The following ZNF700 variants were observed in gnomAD, a reference collection of about 807,000 sequenced individuals.
The protein encoded by ZNF700 is zinc finger protein 700.
ZNF700 carries 38 observed loss-of-function variants against 65.3 expected under a neutral mutation model. The observed-to-expected ratio is 0.58, with a 90% CI of 0.45 to 0.76. ZNF700 has a LOEUF of 0.76. Among genes scored for constraint, ZNF700 ranks in the 30% least tolerant of loss-of-function variants. The probability of loss-of-function intolerance (pLI) is 0.00; values close to 1 mark genes in which losing one functional copy is unlikely to be tolerated. For missense variants in ZNF700, 857 were observed against 888.4 expected (o/e 0.96, Z 0.45); for synonymous variants, 285 against 290.4 (o/e 0.98, Z 0.19).
At chr19:11,947,611 G>C in intron 3 of ZNF700, 37 bp downstream of exon 3, 1 of 1,560,620 alleles carries the variant, frequency 6.4e-7, no homozygotes, top group Non-Finnish European at 8.8e-7. Flanking sequence ...GTGTCTCTCT[G>C]CACAATCTTA....
intron 1 of ZNF700, among the ~76,000 whole-genome samples, chr19:11,925,877 G>A (rs1231588277): frequency 2.6e-5 from 4 of 152,178 alleles, no homozygotes; most frequent in Admixed American, 6.5e-5. Context: ...GTCCCGAGGC[G>A]GCTCAAGACA....
intron 1 of ZNF700, among the ~76,000 whole-genome samples, chr19:11,936,606 A>G (rs1972800330): frequency 6.6e-6 from 1 of 152,154 alleles, no homozygotes; most frequent in South Asian, 2.1e-4. Context: ...TTGGATGGGT[A>G]GATTGCAAAA....
chr19:11,950,532 GA>G lies in ZNF700; in HGVS notation c.*281del, dbSNP rs1973051272. 1.6e-6 allele frequency: 1 copy of G among 613,504 alleles called. No homozygotes were observed. Among genetic ancestry groups the G allele is most frequent in the Non-Finnish European group, 3.1e-6 (1 of 327,716 alleles). 38.0% of individuals were successfully genotyped at this position (613,504 alleles called of 1,614,324 possible). On this transcript the variant is annotated 3_prime_UTR_variant, in exon 4 of 4. Coordinates refer to ENST00000254321, the MANE Select transcript of ZNF700 (RefSeq NM_144566.3). ...GACTTACACTGGAGTGAAACCCTAT[GA>G]ATGTAAGCAATGTGGGAAAGCCTTC...
At position 11,925,185 on chromosome 19, in the gene ZNF700, G is replaced by A. The variant is rs199578342; in HGVS notation, c.-26G>A. The stretch of plus-strand genomic sequence containing the variant: ...AGAGGGACCTGGTGCCTGTACCCAG[G>A]CTTCTGTCGCTCTGTCGCCTGCGCT... On this transcript the variant is annotated 5_prime_UTR_variant, in exon 1 of 4. Transcript: ENST00000254321. 102 of 1,611,128 alleles carry A rather than the reference G, an allele frequency of 6.3e-5. No homozygotes were observed. In the African/African-American group the frequency reaches 1.2e-3, roughly 19 times the overall value.
chr19:11,945,777 G>A (rs1165844509), intron 1 of ZNF700, among the ~76,000 whole-genome samples: 2 of 152,050 alleles, frequency 1.3e-5, no homozygotes, highest in Non-Finnish European at 2.9e-5. Flanking sequence ...CTGTAAAAGA[G>A]CTGTGCTCTG....
chr19:11,926,107 C>T (rs1371316768), intron 1 of ZNF700, among the ~76,000 whole-genome samples: 1 of 152,018 alleles, frequency 6.6e-6, no homozygotes, highest in African/African-American at 2.4e-5. Flanking sequence ...TTATCTGCCA[C>T]TTGATTCCAT....
At chr19:11,937,810 G>C (rs1201690191) in intron 1 of ZNF700, among the ~76,000 whole-genome samples, 1 of 151,854 alleles carries the variant, frequency 6.6e-6, no homozygotes, top group Non-Finnish European at 1.5e-5. Context: ...TACGTTCCTT[G>C]TGCCTCTCTG....
intron 1 of ZNF700, 128 bp from the exon 2 acceptor site, chr19:11,947,053 T>C: frequency 7.1e-7 from 1 of 1,414,896 alleles, no homozygotes; most frequent in South Asian, 1.5e-5. Context: ...GAGAAAGGGA[T>C]CTGATAACCG....
rs1166256575 is a variant in ZNF700, at chr19:11,933,864, A to T, written c.63+8591A>T. ...CATCTCAGAAAAAAAAAAAAAAAAA[A>T]TTTGTTTTTGTTTTGTTAGAGACAG... On this transcript the variant is annotated intron_variant, in intron 1 of 3. Coordinates refer to ENST00000254321, the MANE Select transcript of ZNF700 (RefSeq NM_144566.3). Among the ~76,000 whole-genome samples, 13 of 144,018 alleles carry T rather than the reference A, an allele frequency of 9.0e-5. 1 individual carries two copies. The highest frequency in any genetic ancestry group is 1.4e-4 in the African/African-American group (5 of 35,050). 94.5% of individuals were successfully genotyped at this position (144,018 alleles called of 152,430 possible).
intron 1 of ZNF700, among the ~76,000 whole-genome samples, chr19:11,925,742 C>G (rs923275865): frequency 6.6e-6 from 1 of 152,184 alleles, no homozygotes; most frequent in African/African-American, 2.4e-5. Flanking sequence ...GAGAAACACC[C>G]CGTCCTGGGT....
At chr19:11,927,931 T>C (rs1282379713) in intron 1 of ZNF700, among the ~76,000 whole-genome samples, 1 of 152,122 alleles carries the variant, frequency 6.6e-6, no homozygotes, top group Non-Finnish European at 1.5e-5. Context: ...CTAACACTTG[T>C]ATAGGCAAAA....
At chr19:11,926,080 G>T (rs1972623054) in intron 1 of ZNF700, among the ~76,000 whole-genome samples, 1 of 152,002 alleles carries the variant, frequency 6.6e-6, no homozygotes, top group Non-Finnish European at 1.5e-5. Flanking sequence ...GGAGGAGGTA[G>T]GAAGGAAGGG....
chr19:11,931,416 A>G (rs922487440), intron 1 of ZNF700, among the ~76,000 whole-genome samples: 1 of 148,060 alleles, frequency 6.8e-6, no homozygotes, highest in Admixed American at 6.6e-5. Context: ...GCTCTCATCT[A>G]ATCCTAATTA....
At chr19:11,941,668 G>A (rs552409945) in intron 1 of ZNF700, among the ~76,000 whole-genome samples, 27 of 152,280 alleles carry the variant, frequency 1.8e-4, no homozygotes, top group Non-Finnish European at 3.1e-4. Context: ...GTTCCCGCTC[G>A]CGCCTCTCCC....
intron 1 of ZNF700, among the ~76,000 whole-genome samples, chr19:11,935,742 A>G (rs146210282): frequency 2.7e-3 from 416 of 152,356 alleles, no homozygotes; most frequent in Non-Finnish European, 4.5e-3. Context: ...GTTCTAGGGT[A>G]CATGTGCACA....
At chr19:11,942,496 A>G (rs1972901139) in intron 1 of ZNF700, among the ~76,000 whole-genome samples, 2 of 152,098 alleles carry the variant, frequency 1.3e-5, no homozygotes, top group African/African-American at 4.8e-5. Context: ...CCTCTCAGAC[A>G]CTGGGTTAGA....
At chr19:11,945,157 A>G (rs960063924) in intron 1 of ZNF700, among the ~76,000 whole-genome samples, 4 of 152,188 alleles carry the variant, frequency 2.6e-5, no homozygotes, top group South Asian at 2.1e-4. Flanking sequence ...TGGGACTGAC[A>G]TAAGTTTTTC....
At chr19:11,946,363 G>A (rs577314196) in intron 1 of ZNF700, among the ~76,000 whole-genome samples, 14 of 152,150 alleles carry the variant, frequency 9.2e-5, no homozygotes, top group Non-Finnish European at 1.6e-4. Context: ...AGGTAAGGAC[G>A]GGGGGCATTG....
At chr19:11,935,167 C>G (rs1306082657) in intron 1 of ZNF700, among the ~76,000 whole-genome samples, 3 of 130,152 alleles carry the variant, frequency 2.3e-5, no homozygotes, top group Non-Finnish European at 4.8e-5. Flanking sequence ...CAGAGCGAGA[C>G]TCCGTCTCAA....
Sources: gnomAD v4.1 joint callset for allele counts (sites outside exome capture counted in the v4.1 genomes callset) on GRCh38, gnomAD v4.1.1 for gene constraint, MANE v1.5 for transcripts, NCBI Gene and HGNC (gene_info 2026-07-23, HGNC 2026-07-21) for gene names.